LRBA: variants seen among roughly 807,000 people sequenced by gnomAD.
LRBA encodes LPS responsive beige-like anchor protein.
In LRBA, 176 loss-of-function variants were observed where a neutral mutation model predicts 330.0. The ratio of observed to expected loss-of-function variants is 0.53; its 90% CI spans 0.47 to 0.60. The LOEUF is 0.60. Among genes scored for constraint, LRBA ranks in the 20% least tolerant of loss-of-function variants. The pLI is 0.00. For missense variants in LRBA, 3,259 were observed against 3,444.8 expected, an observed-to-expected ratio of 0.95 and a Z score of 1.35; for synonymous variants, 1,230 against 1,193.0, an observed-to-expected ratio of 1.03 and a Z score of -0.64.
At chr4:150,775,986 C>T (rs1737277416) in intron 34 of LRBA, among the ~76,000 whole-genome samples, 1 of 151,892 alleles carries the variant, frequency 6.6e-6, no homozygotes, top group Non-Finnish European at 1.5e-5. Context: ...CATTTTTTAG[C>T]TCTGGCATAA....
chr4:151,004,611 G>C (rs1161633067), intron 2 of LRBA, among the ~76,000 whole-genome samples: 1 of 152,130 alleles, frequency 6.6e-6, no homozygotes, highest in African/African-American at 2.4e-5. Flanking sequence ...ACTAAGGCAG[G>C]GTACTCTTGT....
At chr4:150,826,272 G>T (rs1746260257) in intron 30 of LRBA, among the ~76,000 whole-genome samples, 1 of 152,170 alleles carries the variant, frequency 6.6e-6, no homozygotes, top group African/African-American at 2.4e-5. Flanking sequence ...TAGAAGAAAG[G>T]ACCAGCCCAG....
At chr4:150,553,618 AAAGTT>A (rs1308565793) in intron 40 of LRBA, among the ~76,000 whole-genome samples, 1 of 152,184 alleles carries the variant, frequency 6.6e-6, no homozygotes, top group East Asian at 1.9e-4. Flanking sequence ...GTCAAGTCAG[AAAGTT>A]AAGAATATCA....
chr4:150,736,791 G>A (rs892458397), intron 35 of LRBA, among the ~76,000 whole-genome samples: 14 of 152,272 alleles, frequency 9.2e-5, no homozygotes, highest in Middle Eastern at 3.4e-3. Context: ...TGCTTAGGCA[G>A]TAATAGTAAA....
intron 28 of LRBA, among the ~76,000 whole-genome samples, chr4:150,837,852 T>C (rs975827934): frequency 9.9e-5 from 15 of 152,226 alleles, no homozygotes; most frequent in African/African-American, 3.6e-4. Flanking sequence ...AGCTGGTTAT[T>C]TTGCTCATTA....
At chr4:150,921,355 C>A (rs991963884) in intron 4 of LRBA, 62 bp from the exon 5 acceptor site, 1 of 947,496 alleles carries the variant, frequency 1.1e-6, no homozygotes, top group South Asian at 1.3e-5. Context: ...AAAAACACAT[C>A]TTTAATATAG....
intron 42 of LRBA, among the ~76,000 whole-genome samples, chr4:150,484,260 C>G (rs1757623276): frequency 6.6e-6 from 1 of 151,868 alleles, no homozygotes; most frequent in South Asian, 2.1e-4. Context: ...GGTATTATTT[C>G]TTCATTAAAC....
At chr4:150,660,614 T>G (rs1780947305) in intron 37 of LRBA, among the ~76,000 whole-genome samples, 1 of 142,664 alleles carries the variant, frequency 7.0e-6, no homozygotes. Flanking sequence ...ATGGCGGCCT[T>G]GTGGAATAGA....
At chr4:150,564,305 A>C (rs1314542466) in intron 40 of LRBA, among the ~76,000 whole-genome samples, 2 of 152,238 alleles carry the variant, frequency 1.3e-5, no homozygotes, top group African/African-American at 4.8e-5. Context: ...CCTATTTAAT[A>C]AATGGTGCTG....
chr4:150,283,769 G>A (rs1416271812), intron 54 of LRBA, among the ~76,000 whole-genome samples: 5 of 152,184 alleles, frequency 3.3e-5, no homozygotes, highest in Non-Finnish European at 7.3e-5. Context: ...CATAAAGTAT[G>A]CACTTTTGTG....
At chr4:150,836,232 T>C (rs1387084696) in intron 28 of LRBA, among the ~76,000 whole-genome samples, 2 of 152,218 alleles carry the variant, frequency 1.3e-5, no homozygotes, top group Non-Finnish European at 2.9e-5. Context: ...TTTGCATCGA[T>C]GTTCATCAGG....
intron 37 of LRBA, among the ~76,000 whole-genome samples, chr4:150,661,469 C>CAAA (rs563120801): frequency 4.6e-5 from 3 of 64,982 alleles, no homozygotes; most frequent in African/African-American, 9.9e-5. Flanking sequence ...GACTCTGTCT[C>CAAA]AAAAAAAAAA....
At chr4:150,594,412 C>G (rs1773243634) in intron 38 of LRBA, among the ~76,000 whole-genome samples, 1 of 151,916 alleles carries the variant, frequency 6.6e-6, no homozygotes, top group Non-Finnish European at 1.5e-5. Flanking sequence ...TTTCATTTGC[C>G]TTATTCTCAA....
chr4:150,339,537 T>A (rs1277590375), intron 48 of LRBA, among the ~76,000 whole-genome samples: 2 of 152,170 alleles, frequency 1.3e-5, no homozygotes, highest in Admixed American at 1.3e-4. Flanking sequence ...TCTCTCTGAT[T>A]TTCAAGAGAC....
chr4:150,814,493 T>C (rs1744255595), intron 31 of LRBA, among the ~76,000 whole-genome samples: 1 of 151,658 alleles, frequency 6.6e-6, no homozygotes, highest in South Asian at 2.1e-4. Flanking sequence ...TACACTGAAA[T>C]AGAGAACCCA....
intron 37 of LRBA, among the ~76,000 whole-genome samples, chr4:150,610,001 T>C (rs1266046261): frequency 6.6e-6 from 1 of 152,164 alleles, no homozygotes. Flanking sequence ...CTTTAATAAA[T>C]TCAGGGCTGA....
At chr4:150,949,960 T>G (rs1736653835) in intron 2 of LRBA, among the ~76,000 whole-genome samples, 1 of 152,148 alleles carries the variant, frequency 6.6e-6, no homozygotes, top group Admixed American at 6.5e-5. Flanking sequence ...TAACTATATA[T>G]CCTACTGACT....
At chr4:150,861,270 G>GGTGTGTGTGTGTGT (rs35115144) in intron 22 of LRBA, among the ~76,000 whole-genome samples, 1,628 of 137,850 alleles carry the variant, frequency 0.012, 31 homozygotes, top group African/African-American at 0.04. Flanking sequence ...CCCAGCTAAT[G>GGTGTGTGTGTGTGT]GTGTGTGTGT....
At chr4:150,505,145 C>A (rs1437941082) in intron 40 of LRBA, among the ~76,000 whole-genome samples, 1 of 152,142 alleles carries the variant, frequency 6.6e-6, no homozygotes, top group South Asian at 2.1e-4. Context: ...CTTTAACACC[C>A]CACTGTCAAC....
Sources: gnomAD v4.1 joint callset for allele counts (sites outside exome capture counted in the v4.1 genomes callset) on GRCh38, gnomAD v4.1.1 for gene constraint, MANE v1.5 for transcripts, NCBI Gene and HGNC (gene_info 2026-07-23, HGNC 2026-07-21) for gene names.